The following ATF3 variants were observed in gnomAD, a reference collection of about 807,000 sequenced individuals.
ATF3 encodes the protein activating transcription factor 3.
In ATF3, 10 loss-of-function variants were observed where a neutral mutation model predicts 18.4. The ratio of observed to expected loss-of-function variants is 0.54; its 90% CI spans 0.34 to 0.92. The LOEUF is 0.92. ATF3 is among the 40% of genes least tolerant of loss of function. The pLI is 0.02. For synonymous variants in ATF3, 78 were observed against 87.9 expected, an observed-to-expected ratio of 0.89 and a Z score of 0.63; for missense variants, 183 against 222.3, an observed-to-expected ratio of 0.82 and a Z score of 1.12.
chr1:212,581,058 T>G (rs1664675368), intron 1 of ATF3, among the ~76,000 whole-genome samples: 1 of 152,262 alleles, frequency 6.6e-6, no homozygotes, highest in South Asian at 2.1e-4. Context: ...CGTGCGCCAC[T>G]GCACCTGGCC....
upstream of ATF3, among the ~76,000 whole-genome samples, chr1:212,607,694 C>T (rs2102646245): frequency 6.6e-6 from 1 of 152,318 alleles, no homozygotes; most frequent in East Asian, 1.9e-4. Context: ...CATGGGTTTT[C>T]CCTAAATATT....
intron 1 of ATF3, among the ~76,000 whole-genome samples, chr1:212,566,238 A>G (rs1471864035): frequency 6.6e-6 from 1 of 152,126 alleles, no homozygotes; most frequent in Non-Finnish European, 1.5e-5. Context: ...CTGTAAAAAC[A>G]TGTGCACTTG....
At chr1:212,576,181 T>A (rs967073512) in intron 1 of ATF3, among the ~76,000 whole-genome samples, 9 of 152,130 alleles carry the variant, frequency 5.9e-5, no homozygotes, top group Admixed American at 5.2e-4. Flanking sequence ...AATTACCAAA[T>A]TTTATTTTTT....
chr1:212,617,467 C>A (rs1655177509), intron 2 of ATF3, among the ~76,000 whole-genome samples: 1 of 152,218 alleles, frequency 6.6e-6, no homozygotes, highest in Admixed American at 6.5e-5. Flanking sequence ...ATGATTGCAG[C>A]CTTTGGGCAA....
rs1242195668 is a variant in ATF3 at position 212,619,474 on chromosome 1, C to A, written c.465C>A (p.Val155=). The change falls in exon 4 of 4, where the codon GTC becomes GTA. Residue 155 remains valine (V), a synonymous_variant. Coordinates refer to ENST00000341491, the MANE Select transcript of ATF3 (RefSeq NM_001674.4). This position sits in a 1 kb window ranked among gnomAD's most constrained non-coding sequence, Gnocchi z 4.4. ...MLNLHRPTCI[V]RAQNGRTPED... ...ACCTTCATCGGCCCACGTGTATTGTCCGGGCTCAGAATGGGAGGACTCCAG... is the reference window on the plus strand; with the variant it reads ...ACCTTCATCGGCCCACGTGTATTGTACGGGCTCAGAATGGGAGGACTCCAG... 5 of 1,614,198 alleles carry A rather than the reference C, an allele frequency of 3.1e-6. No homozygotes were observed. The highest frequency in any genetic ancestry group is 4.5e-5 in the East Asian group (2 of 44,888).
At chr1:212,571,779 T>G (rs1275086078) in intron 1 of ATF3, among the ~76,000 whole-genome samples, 2 of 146,806 alleles carry the variant, frequency 1.4e-5, no homozygotes, top group Non-Finnish European at 3.0e-5. Context: ...TGGTGCAATC[T>G]CGGCCCACTG....
At chr1:212,586,435 G>A (rs1429415572) in intron 1 of ATF3, among the ~76,000 whole-genome samples, 54 of 152,334 alleles carry the variant, frequency 3.5e-4, no homozygotes, top group Middle Eastern at 3.4e-3. Context: ...AGTTAATGAC[G>A]TAGCAGTGAC....
At chr1:212,605,878 T>C (rs1320074499), upstream of ATF3, among the ~76,000 whole-genome samples, 2 of 152,248 alleles carry the variant, frequency 1.3e-5, no homozygotes, top group Non-Finnish European at 2.9e-5. Context: ...AAGTCTCTGC[T>C]TAACCCTCTT....
Position 212,619,674 on chromosome 1 carries a change from A to G in ATF3, c.*119A>G, listed in dbSNP as rs1306659199. ...ACCTCTAGAATCCCAGCAGCAGAGA[A>G]CCATCAAGGCGGGAGGGCCTGCAGT... On this transcript the variant is annotated 3_prime_UTR_variant, in exon 4 of 4. Coordinates refer to ENST00000341491, the MANE Select transcript of ATF3 (RefSeq NM_001674.4). The surrounding 1 kb of genome is among the most constrained non-coding windows in gnomAD (Gnocchi z 4.4). 4.2e-6 allele frequency: 6 copies of G among 1,417,726 alleles called. No individual in the cohort carries two copies. Among genetic ancestry groups the G allele is most frequent in the African/African-American group, 1.4e-5 (1 of 70,254 alleles). The allele number at this position is 1,417,726 out of a possible 1,614,324, so 87.8% of individuals were successfully genotyped here.
intron 1 of ATF3, among the ~76,000 whole-genome samples, chr1:212,585,429 T>C (rs797007977): frequency 2.6e-5 from 4 of 152,366 alleles, no homozygotes; most frequent in African/African-American, 7.2e-5. Flanking sequence ...TAGGATTCTC[T>C]GCATGGCTGG....
chr1:212,617,239 G>A (rs1328249553), intron 2 of ATF3, among the ~76,000 whole-genome samples: 2 of 152,186 alleles, frequency 1.3e-5, no homozygotes, highest in Non-Finnish European at 2.9e-5. Flanking sequence ...TTGGGACCAG[G>A]TGTTGCTCCA....
intron 1 of ATF3, among the ~76,000 whole-genome samples, chr1:212,595,542 G>A (rs1364620470): frequency 6.6e-6 from 1 of 152,256 alleles, no homozygotes; most frequent in African/African-American, 2.4e-5. Context: ...AATGCACAGG[G>A]ACCGGAAATG....
In ATF3 at chr1:212,608,864, C is replaced by T. The variant is rs1251006093; in HGVS notation, c.-71C>T. 2 of 152,800 alleles carry T rather than the reference C, an allele frequency of 1.3e-5. No individual in the cohort carries two copies. The highest frequency in any genetic ancestry group is 4.8e-5 in the African/African-American group (2 of 41,452). 9.5% of individuals were successfully genotyped at this position (152,800 alleles called of 1,614,324 possible). On this transcript the variant is annotated 5_prime_UTR_variant, in exon 1 of 4. Coordinates refer to ENST00000341491, the MANE Select transcript of ATF3 (RefSeq NM_001674.4). Reference sequence around the variant, plus strand: ...CCGGCCGTGAGTCCTCGGTGCTCGCCCGCCGGCCAGACAAACAGCCCGCCC... The same window carrying T: ...CCGGCCGTGAGTCCTCGGTGCTCGCTCGCCGGCCAGACAAACAGCCCGCCC...
chr1:212,604,239 G>A (rs1571778356), upstream of ATF3, among the ~76,000 whole-genome samples: 1 of 152,208 alleles, frequency 6.6e-6, no homozygotes, highest in African/African-American at 2.4e-5. Flanking sequence ...TACTCACTCA[G>A]TTGACTGGAG....
chr1:212,612,457 G>C (rs989215551), intron 1 of ATF3, among the ~76,000 whole-genome samples: 3 of 152,200 alleles, frequency 2.0e-5, no homozygotes, highest in Non-Finnish European at 4.4e-5. Context: ...CCCAGTGGCA[G>C]CTCTGAATGT....
chr1:212,581,089 G>A (rs1571761716), intron 1 of ATF3, among the ~76,000 whole-genome samples: 1 of 152,234 alleles, frequency 6.6e-6, no homozygotes, highest in East Asian at 1.9e-4. Flanking sequence ...ATATTTTACA[G>A]TGCTGTGGTA....
chr1:212,615,309 C>T, intron 2 of ATF3, 48 bp downstream of exon 2: 2 of 1,586,790 alleles, frequency 1.3e-6, no homozygotes, highest in Non-Finnish European at 1.7e-6. Context: ...GTTTCGCTCG[C>T]AGCCACTGTG....
chr1:212,619,307 C>T lies in ATF3; in HGVS notation c.349-51C>T. 1 of 1,612,138 alleles carries T rather than the reference C, an allele frequency of 6.2e-7. No individual in the cohort carries two copies. The highest frequency in any genetic ancestry group is 8.5e-7 in the Non-Finnish European group (1 of 1,179,966). On this transcript the variant is annotated intron_variant, in intron 3 of 3. Transcript: ENST00000341491. This position sits in a 1 kb window ranked among gnomAD's most constrained non-coding sequence, Gnocchi z 4.4. ...CAGGCAGCAGCCCAGGCCACCCCCT[C>T]CTCACTGGCCCTTGGCTCCTTTCTT...
At chr1:212,606,753 G>A (rs1654634118), upstream of ATF3, among the ~76,000 whole-genome samples, 1 of 152,214 alleles carries the variant, frequency 6.6e-6, no homozygotes, top group African/African-American at 2.4e-5. Flanking sequence ...AGATAAAATA[G>A]CTAAGTAGAG....
Sources: allele counts gnomAD v4.1 joint callset (sites outside exome capture counted in the v4.1 genomes callset), GRCh38; gene constraint gnomAD v4.1.1; non-coding constraint Gnocchi (gnomAD v3.1); transcripts MANE v1.5; gene names NCBI Gene and HGNC (gene_info 2026-07-23, HGNC 2026-07-21).